Variants in FLT1 observed in about 807,000 individuals in gnomAD.
FLT1 encodes the protein vascular endothelial growth factor receptor 1.
Under a neutral mutation model 156.3 loss-of-function variants are expected in FLT1, and 49 were observed. That is an observed-to-expected ratio of 0.31 (90% CI 0.25 to 0.40). The LOEUF (loss-of-function observed/expected upper bound fraction) is 0.40. FLT1 is among the 10% of genes least tolerant of loss of function. The pLI is 1.00. For missense variants in FLT1, 1,322 were observed against 1,637.2 expected (o/e 0.81, Z 3.32); for synonymous variants, 594 against 583.8 (o/e 1.02, Z -0.25).
chr13:28,407,542 C>T (rs1875886338), intron 10 of FLT1, among the ~76,000 whole-genome samples: 1 of 152,184 alleles, frequency 6.6e-6, no homozygotes, highest in Non-Finnish European at 1.5e-5. Flanking sequence ...AACCACAACA[C>T]TACTTTTATA....
intron 3 of FLT1, among the ~76,000 whole-genome samples, chr13:28,455,123 A>G (rs1306993000): frequency 2.0e-5 from 3 of 152,206 alleles, no homozygotes; most frequent in Non-Finnish European, 4.4e-5. Flanking sequence ...AAATCCCAGA[A>G]GTTACTTTGT....
rs1013262887 is a variant in FLT1, at chr13:28,429,087, A to G, written c.1106+963T>C. 1.2e-3 allele frequency among the ~76,000 whole-genome samples: 185 copies of G among 152,296 alleles called. 3 individuals are homozygous for G. Among genetic ancestry groups the G allele is most frequent in the Non-Finnish European group, 4.6e-4 (31 of 68,026 alleles). The stretch of plus-strand genomic sequence containing the variant: ...TACCTCCTGGAGTCATCAGATTACT[A>G]TTCAATTTACTATTAAACCTAAAAA... On this transcript the variant is annotated intron_variant, in intron 8 of 29. Coordinates refer to ENST00000282397, the MANE Select transcript of FLT1 (RefSeq NM_002019.4).
chr13:28,467,315 A>C (rs1879905587), intron 2 of FLT1, among the ~76,000 whole-genome samples, 186 bp from the exon 3 acceptor site: 1 of 152,054 alleles, frequency 6.6e-6, no homozygotes, highest in Admixed American at 6.6e-5. Context: ...ATGCAGAACT[A>C]TTTGGGCATC....
At chr13:28,331,095 T>G (rs533799965) in intron 18 of FLT1, among the ~76,000 whole-genome samples, 3 of 152,348 alleles carry the variant, frequency 2.0e-5, no homozygotes, top group African/African-American at 4.8e-5. Context: ...CTATTACAAA[T>G]AATACTGTGA....
In FLT1 at chr13:28,459,958, C is replaced by CCCCT. The variant is rs142857862; in HGVS notation, c.388+6944_388+6945insAGGG. Among the ~76,000 whole-genome samples the CCCCT allele has an allele frequency of 5.5e-3, 841 of 152,314 alleles. 6 individuals carry two copies. The highest frequency in any genetic ancestry group is 0.017 in the African/African-American group (692 of 41,568). On this transcript the variant is annotated intron_variant, in intron 3 of 29. Transcript: ENST00000282397. ...CCATCTTACAAGGGTCCTTCTGATCCCCACAGGGGGAAAGTGGAGGCGGCA... is the reference window on the plus strand; with the variant it reads ...CCATCTTACAAGGGTCCTTCTGATCCCCCTCCACAGGGGGAAAGTGGAGGCGGCA...
intron 25 of FLT1, among the ~76,000 whole-genome samples, chr13:28,313,278 CTCT>C (rs1871078032): frequency 6.6e-6 from 1 of 152,160 alleles, no homozygotes; most frequent in South Asian, 2.1e-4. Flanking sequence ...TGCGCCCGGC[CTCT>C]TCTTTACATT....
At chr13:28,363,670 G>A (rs1873189070) in intron 14 of FLT1, among the ~76,000 whole-genome samples, 1 of 151,802 alleles carries the variant, frequency 6.6e-6, no homozygotes, top group Non-Finnish European at 1.5e-5. Flanking sequence ...CTGGAGTGCA[G>A]TGGTGCAATC....
chr13:28,396,303 G>A (rs1227526645), intron 12 of FLT1, among the ~76,000 whole-genome samples: 1 of 152,302 alleles, frequency 6.6e-6, no homozygotes, highest in African/African-American at 2.4e-5. Context: ...CAGAAATTGG[G>A]GGAGTGTGGA....
chr13:28,307,080 C>A (rs1566277359), intron 28 of FLT1, among the ~76,000 whole-genome samples: 1 of 152,130 alleles, frequency 6.6e-6, no homozygotes, highest in Non-Finnish European at 1.5e-5. Context: ...TTTATTGCAA[C>A]AAAGATACTA....
In FLT1 at chr13:28,494,947, C is replaced by T; in HGVS notation, c.-104G>A. The T allele has an allele frequency of 4.6e-6, 4 of 860,682 alleles. No individual in the cohort carries two copies. The highest frequency in any genetic ancestry group is 6.7e-6 in the Non-Finnish European group (4 of 600,818). 53.3% of individuals were successfully genotyped at this position (860,682 alleles called of 1,614,324 possible). On this transcript the variant is annotated 5_prime_UTR_variant, in exon 1 of 30. Transcript: ENST00000282397. ...CGTTCGCCGCCGCCGGCCCCGCGCC[C>T]TGAGCGCCCGTCTCGCGGCTCCAGC...
intron 25 of FLT1, among the ~76,000 whole-genome samples, chr13:28,316,601 A>G (rs905666065): frequency 2.6e-5 from 4 of 151,952 alleles, no homozygotes; most frequent in African/African-American, 9.7e-5. Flanking sequence ...CTGACCAGGC[A>G]GCTTCAGACA....
rs540016655 is a variant in FLT1 at position 28,479,313 on chromosome 13, C to A, written c.65-11696G>T. On this transcript the variant is annotated intron_variant, in intron 1 of 29. Coordinates refer to ENST00000282397, the MANE Select transcript of FLT1 (RefSeq NM_002019.4). ...TGTTTTCTATTGTCATAATCAGTTT[C>A]CTTCTAAGTTAAACAATTTGAAATA... Among the ~76,000 whole-genome samples, 3 of 152,254 alleles carry A rather than the reference C, an allele frequency of 2.0e-5. No homozygotes were observed. In the South Asian group the frequency reaches 6.2e-4, roughly 32 times the overall value.
At chr13:28,417,267 A>T (rs115645036) in intron 10 of FLT1, among the ~76,000 whole-genome samples, 1,826 of 152,246 alleles carry the variant, frequency 0.012, 38 homozygotes, top group African/African-American at 0.042. Flanking sequence ...AACCAACCAC[A>T]TTCATCTCTG....
chr13:28,442,721 C>CAT (rs1295972929), intron 3 of FLT1, among the ~76,000 whole-genome samples: 1 of 151,940 alleles, frequency 6.6e-6, no homozygotes, highest in African/African-American at 2.4e-5. Context: ...CACACACACA[C>CAT]ACACACACAC....
At chr13:28,493,290 T>C (rs76842134) in intron 1 of FLT1, among the ~76,000 whole-genome samples, 1 of 152,258 alleles carries the variant, frequency 6.6e-6, no homozygotes, top group Non-Finnish European at 1.5e-5. Context: ...AAACAAAAAA[T>C]GTATTTGTGA....
intron 19 of FLT1, among the ~76,000 whole-genome samples, chr13:28,328,811 A>G (rs997722111): frequency 1.1e-4 from 17 of 152,182 alleles, no homozygotes; most frequent in Admixed American, 1.0e-3. Flanking sequence ...AGTTTTACAG[A>G]TGCAAAGTTG....
chr13:28,450,678 C>T (rs910368341), intron 3 of FLT1, among the ~76,000 whole-genome samples: 6 of 152,184 alleles, frequency 3.9e-5, no homozygotes, highest in African/African-American at 1.4e-4. Context: ...ATTATTTATT[C>T]CCAGCTCTGC....
At chr13:28,336,794 C>CG (rs552147112) in intron 17 of FLT1, among the ~76,000 whole-genome samples, 163 of 146,816 alleles carry the variant, frequency 1.1e-3, no homozygotes, top group Middle Eastern at 7.4e-3. Flanking sequence ...GTTGCCCAGG[C>CG]CGGAGTGCCG....
intron 10 of FLT1, among the ~76,000 whole-genome samples, chr13:28,412,458 G>A (rs1876355811): frequency 6.8e-6 from 1 of 147,524 alleles, no homozygotes; most frequent in Non-Finnish European, 1.5e-5. Context: ...GTCTCACTGT[G>A]TTCCTCAGGC....
Sources: gnomAD v4.1 joint callset for allele counts (sites outside exome capture counted in the v4.1 genomes callset) on GRCh38, gnomAD v4.1.1 for gene constraint, MANE v1.5 for transcripts, NCBI Gene and HGNC (gene_info 2026-07-23, HGNC 2026-07-21) for gene names.